Variants in FASTKD1 observed in about 807,000 individuals in gnomAD.
FASTKD1 encodes FAST kinase domains 1.
FASTKD1 carries 94 observed loss-of-function variants against 90.9 expected under a neutral mutation model. The ratio of observed to expected loss-of-function variants is 1.03; its 90% CI spans 0.88 to 1.23. The LOEUF (loss-of-function observed/expected upper bound fraction) is 1.23, where lower values mean the gene tolerates loss of function less well. Among genes scored for constraint, FASTKD1 ranks in the 50% most tolerant of loss-of-function variants. The probability of loss-of-function intolerance (pLI) is 0.00; values close to 1 mark genes in which losing one functional copy is unlikely to be tolerated. For missense variants in FASTKD1, 945 were observed against 993.5 expected (o/e 0.95, Z 0.66); for synonymous variants, 319 against 345.8 (o/e 0.92, Z 0.86).
rs1467038984 is a variant in FASTKD1 at position 169,560,286 on chromosome 2, A to G, written c.971+101T>C. The stretch of plus-strand genomic sequence containing the variant: ...AGATTATTTTCCCTTCCACAACCTA[A>G]TAGGGTGATATTTGTACCTTCCAGA... On this transcript the variant is annotated intron_variant, in intron 5 of 14. Transcript: ENST00000453153. 5.8e-6 allele frequency: 5 copies of G among 858,902 alleles called. No individual in the cohort carries two copies. The African/African-American group carries it at 8.7e-5, about 15-fold the overall frequency. 53.2% of individuals were successfully genotyped at this position (858,902 alleles called of 1,614,324 possible).
chr2:169,557,232 C>A lies in FASTKD1; in HGVS notation c.1037G>T (p.Gly346Val), dbSNP rs545365159. The A allele has an allele frequency of 1.9e-6, 3 of 1,612,940 alleles. No individual in the cohort carries two copies. In the African/African-American group the frequency reaches 4.0e-5, roughly 22 times the overall value. ...TCTGCTTTCCATATCTCCCATTGCT[C>A]CCAACACTGCCAGGGCTTGCTCGCC... ...LTGEQALAVLGAMGDMESRNS... is the reference protein window; with the variant it reads ...LTGEQALAVLVAMGDMESRNS... Residue 346 changes from glycine (G) to valine (V), a missense_variant, in exon 6 of 15, where the codon GGA (glycine) becomes GTA (valine). Transcript: ENST00000453153.
intron 2 of FASTKD1, 43 bp from the exon 3 acceptor site, chr2:169,569,295 A>G (rs775166914): frequency 1.3e-5 from 21 of 1,561,126 alleles, no homozygotes; most frequent in Non-Finnish European, 1.8e-5. Flanking sequence ...ATCATTTTAA[A>G]ATCATTAAAA....
intron 9 of FASTKD1, among the ~76,000 whole-genome samples, chr2:169,541,905 A>C (rs1341882603): frequency 1.3e-5 from 2 of 152,144 alleles, no homozygotes; most frequent in Admixed American, 6.6e-5. Context: ...CTGGAAAAAA[A>C]CCAAACATGC....
intron 7 of FASTKD1, among the ~76,000 whole-genome samples, chr2:169,552,794 A>C (rs956371227): frequency 1.3e-5 from 2 of 152,350 alleles, no homozygotes; most frequent in African/African-American, 4.8e-5. Flanking sequence ...CACATTAGGT[A>C]CTAAGTACAT....
intron 12 of FASTKD1, among the ~76,000 whole-genome samples, chr2:169,536,310 T>C (rs991637127): frequency 2.6e-5 from 4 of 152,198 alleles, no homozygotes; most frequent in Non-Finnish European, 4.4e-5. Flanking sequence ...TCTCTAGTTC[T>C]GTCTACGACA....
chr2:169,564,617 G>T (rs757056779), intron 3 of FASTKD1, among the ~76,000 whole-genome samples: 17 of 151,958 alleles, frequency 1.1e-4, no homozygotes, highest in Non-Finnish European at 1.9e-4. Context: ...GTATAATTAA[G>T]TTATTATTGA....
In FASTKD1 at chr2:169,546,356, A is replaced by C. The variant is rs758907018; in HGVS notation, c.1563T>G (p.Ile521Met). The C allele has an allele frequency of 1.2e-6, 2 of 1,614,034 alleles. No individual in the cohort carries two copies. The highest frequency in any genetic ancestry group is 1.7e-6 in the Non-Finnish European group (2 of 1,180,022). ...TFPESLLEEM[I>M]ATLQHFMDDI... ...CATCCATGAAATGCTGTAAAGTAGC[A>C]ATCATTTCTTCAAGAAGTGACTCAG... Residue 521 changes from isoleucine (I) to methionine (M), a missense_variant, in exon 8 of 15, where the codon ATT becomes ATG. By Grantham distance (10) the Ile-to-Met change is conservative. Coordinates refer to ENST00000453153, the MANE Select transcript of FASTKD1 (RefSeq NM_024622.6).
At chr2:169,541,147 A>G (rs1282537511) in intron 9 of FASTKD1, among the ~76,000 whole-genome samples, 2 of 152,240 alleles carry the variant, frequency 1.3e-5, no homozygotes, top group African/African-American at 4.8e-5. Context: ...CTAATCTGTC[A>G]AAATTCGTCT....
Position 169,544,747 on chromosome 2 carries a change from C to G in FASTKD1, c.1790G>C (p.Cys597Ser). The G allele has an allele frequency of 6.2e-7, 1 of 1,607,032 alleles. No homozygotes were observed. The highest frequency in any genetic ancestry group is 8.5e-7 in the Non-Finnish European group (1 of 1,173,950). Residue 597 changes from cysteine to serine, a missense_variant, in exon 9 of 15, where the codon TGC becomes TCC. Cys to Ser is a moderately radical substitution (Grantham distance 112). Transcript: ENST00000453153. ...PPQRDEFLGT[C>S]VQHLNSYLGI... ...TAAGTAAGAATTAAGATGTTGCACG[C>G]AAGTTCCCAAAAATTCATCCCTTTG...
chr2:169,555,513 T>C (rs989938159), intron 6 of FASTKD1, among the ~76,000 whole-genome samples: 1 of 152,216 alleles, frequency 6.6e-6, no homozygotes, highest in Admixed American at 6.5e-5. Flanking sequence ...AGCATAGTTT[T>C]TCTTCCTCAG....
At chr2:169,565,105 C>T (rs1348486389) in intron 3 of FASTKD1, among the ~76,000 whole-genome samples, 1 of 151,244 alleles carries the variant, frequency 6.6e-6, no homozygotes. Context: ...CAGGCATGCA[C>T]CACCATGCCC....
At position 169,555,157 on chromosome 2, in the gene FASTKD1, T is replaced by C. The variant is rs919525625; in HGVS notation, c.1181A>G (p.Glu394Gly). ...TAATTCTCTAAGTTTCGCAAAAAAC[T>C]CCTTCCTTTGGAAATGCAGAAAAGT... ...ELTFLHFQRK[E>G]FFAKLRELLL... The change falls in exon 7 of 15, where the codon GAG (glutamate) becomes GGG (glycine). Residue 394 changes from glutamate to glycine, a missense_variant. Glu to Gly is a moderately conservative substitution (Grantham distance 98, BLOSUM62 -2). Transcript: ENST00000453153. 9 of 1,612,286 alleles carry C rather than the reference T, an allele frequency of 5.6e-6. No individual in the cohort carries two copies. In the African/African-American group the frequency reaches 1.1e-4, roughly 19 times the overall value.
intron 1 of FASTKD1, chr2:169,572,981 A>C (rs1373720109): frequency 6.6e-6 from 1 of 152,200 alleles, no homozygotes; most frequent in African/African-American, 2.4e-5. Flanking sequence ...ATCTCATTAA[A>C]TTCTCTCAGC....
chr2:169,567,574 T>C (rs770518383), intron 3 of FASTKD1, among the ~76,000 whole-genome samples: 2 of 152,212 alleles, frequency 1.3e-5, no homozygotes, highest in Non-Finnish European at 2.9e-5. Flanking sequence ...CTTAATTTAA[T>C]CCAGCCCATG....
At chr2:169,555,327 C>G (rs1443510432) in intron 6 of FASTKD1, 72 bp from the exon 7 acceptor site, 2 of 1,294,668 alleles carry the variant, frequency 1.5e-6, no homozygotes, top group African/African-American at 3.0e-5. Flanking sequence ...GCTTTCACAC[C>G]AGACACTCCG....
chr2:169,538,243 A>G, intron 10 of FASTKD1, 102 bp from the exon 11 acceptor site: 1 of 918,934 alleles, frequency 1.1e-6, no homozygotes, highest in Non-Finnish European at 1.7e-6. Context: ...AGATGCTTTT[A>G]TTCTAACAGT....
chr2:169,565,367 A>G (rs1226964855), intron 3 of FASTKD1, among the ~76,000 whole-genome samples: 1 of 139,588 alleles, frequency 7.2e-6, no homozygotes, highest in African/African-American at 2.7e-5. Flanking sequence ...AGTTCACGCC[A>G]TTCTCCTGCT....
chr2:169,539,154 G>A (rs773987321), intron 10 of FASTKD1, among the ~76,000 whole-genome samples: 2 of 151,768 alleles, frequency 1.3e-5, no homozygotes, highest in African/African-American at 2.4e-5. Flanking sequence ...TATAATCCCC[G>A]CTACTCGAGA....
chr2:169,531,864 T>C (rs542683922), intron 12 of FASTKD1, among the ~76,000 whole-genome samples: 1 of 152,352 alleles, frequency 6.6e-6, no homozygotes, highest in Admixed American at 6.5e-5. Context: ...GCATTTATCC[T>C]GTCTTTTCTA....
Sources: allele counts gnomAD v4.1 joint callset (sites outside exome capture counted in the v4.1 genomes callset), GRCh38; gene constraint gnomAD v4.1.1; transcripts MANE v1.5; gene names NCBI Gene and HGNC (gene_info 2026-07-23, HGNC 2026-07-21).